Variants in BCL7A observed in about 807,000 individuals in gnomAD.
BCL7A encodes B-cell CLL/lymphoma 7 protein family member A.
BCL7A carries 11 observed loss-of-function variants against 28.4 expected under a neutral mutation model. That is an observed-to-expected ratio of 0.39 (90% CI 0.24 to 0.64). The LOEUF (loss-of-function observed/expected upper bound fraction) is 0.64, where lower values mean the gene tolerates loss of function less well. Ranked by LOEUF, BCL7A falls within the 30% of genes least tolerant of loss-of-function variation. BCL7A has a pLI of 0.50. For missense variants in BCL7A, 222 were observed against 274.8 expected (o/e 0.81, Z 1.36); for synonymous variants, 123 against 103.3 (o/e 1.19, Z -1.15).
At chr12:122,028,820 G>T (rs921731079) in intron 1 of BCL7A, among the ~76,000 whole-genome samples, 2 of 152,172 alleles carry the variant, frequency 1.3e-5, no homozygotes, top group Non-Finnish European at 1.5e-5. Context: ...GCATGTAATA[G>T]CCTGGGCACA....
chr12:122,054,395 A>G (rs746675294), intron 4 of BCL7A, among the ~76,000 whole-genome samples: 6 of 152,194 alleles, frequency 3.9e-5, no homozygotes, highest in Non-Finnish European at 7.3e-5. Flanking sequence ...CCAAATACCC[A>G]TATTATTAAG....
chr12:122,047,805 T>C (rs1438584956), intron 4 of BCL7A, among the ~76,000 whole-genome samples: 1 of 150,684 alleles, frequency 6.6e-6, no homozygotes, highest in Non-Finnish European at 1.5e-5. Flanking sequence ...AGATTACAGA[T>C]GTGAACCACC....
chr12:122,059,380 T>C lies in BCL7A; in HGVS notation c.*217T>C, dbSNP rs1421850408. 8 of 499,088 alleles carry C rather than the reference T, an allele frequency of 1.6e-5. No individual in the cohort carries two copies. The Admixed American group carries it at 2.7e-4, about 17-fold the overall frequency. 30.9% of individuals were successfully genotyped at this position (499,088 alleles called of 1,614,324 possible). A position where few individuals can be genotyped will look rare whatever the true frequency, so the allele number is the denominator to read the frequency against. ...AAACACTCAAACCTTTAAGGGACTG[T>C]CCTTGGGGAGGCAGGCGGGGCTGAC... On this transcript the variant is annotated 3_prime_UTR_variant, in exon 6 of 6. Coordinates refer to ENST00000261822, the MANE Select transcript of BCL7A (RefSeq NM_001024808.3). The surrounding 1 kb of genome is among the most constrained non-coding windows in gnomAD (Gnocchi z 4.0).
At chr12:122,037,010 G>C (rs1202542672) in intron 3 of BCL7A, among the ~76,000 whole-genome samples, 1 of 152,106 alleles carries the variant, frequency 6.6e-6, no homozygotes, top group African/African-American at 2.4e-5. Flanking sequence ...CGTCCCTAAA[G>C]CTTCATAAAA....
chr12:122,034,006 C>G lies in BCL7A; in HGVS notation c.175-1325C>G, dbSNP rs537521586. 3.5e-4 allele frequency among the ~76,000 whole-genome samples: 53 copies of G among 151,668 alleles called. 1 individual carries two copies. In the South Asian group the frequency reaches 0.011, roughly 31 times the overall value. On this transcript the variant is annotated intron_variant, in intron 2 of 5. Coordinates refer to ENST00000261822, the MANE Select transcript of BCL7A (RefSeq NM_001024808.3). ...CTGCCTCTCATCCCTGCATGCACCC[C>G]CCATCCCCACCCCAGTTCTCGCCCC...
rs1951917949 is a variant in BCL7A at position 122,061,171 on chromosome 12, A to G, written c.*2008A>G. ...TGGTGAGAGATGAATTTGGATATTTATTTCCTTCTCTGTTTTTGGGAAACG... is the reference window on the plus strand; with the variant it reads ...TGGTGAGAGATGAATTTGGATATTTGTTTCCTTCTCTGTTTTTGGGAAACG... On this transcript the variant is annotated 3_prime_UTR_variant, in exon 6 of 6. Coordinates refer to ENST00000261822, the MANE Select transcript of BCL7A (RefSeq NM_001024808.3). The G allele has an allele frequency of 4.4e-6, 1 of 226,510 alleles. No individual in the cohort carries two copies. Among genetic ancestry groups the G allele is most frequent in the South Asian group, 1.8e-4 (1 of 5,460 alleles). 14.0% of individuals were successfully genotyped at this position (226,510 alleles called of 1,614,324 possible).
At chr12:122,040,052 C>T (rs1883936203) in intron 3 of BCL7A, among the ~76,000 whole-genome samples, 1 of 152,112 alleles carries the variant, frequency 6.6e-6, no homozygotes, top group Admixed American at 6.6e-5. Flanking sequence ...ATTTATGAAA[C>T]CGTCACAATG....
Position 122,029,286 on chromosome 12 carries a change from C to G in BCL7A, c.93-1414C>G, listed in dbSNP as rs997769350. On this transcript the variant is annotated intron_variant, in intron 1 of 5. Coordinates refer to ENST00000261822, the MANE Select transcript of BCL7A (RefSeq NM_001024808.3). The surrounding 1 kb of genome is among the most constrained non-coding windows in gnomAD (Gnocchi z 4.3). The stretch of plus-strand genomic sequence containing the variant: ...TCTGATGGAACACGTGGGACCCGAG[C>G]GGGCAGGGTTTTTGGGGGTGAGGTG... 6.6e-6 allele frequency among the ~76,000 whole-genome samples: 1 copy of G among 152,028 alleles called. No individual in the cohort carries two copies. The highest frequency in any genetic ancestry group is 2.4e-5 in the African/African-American group (1 of 41,374).
At chr12:122,044,831 A>G (rs1593031617) in intron 4 of BCL7A, among the ~76,000 whole-genome samples, 1 of 152,132 alleles carries the variant, frequency 6.6e-6, no homozygotes, top group East Asian at 1.9e-4. Context: ...GGCTCAAAAT[A>G]TAATTATATT....
At chr12:122,024,179 T>C (rs1883555441) in intron 1 of BCL7A, among the ~76,000 whole-genome samples, 2 of 152,274 alleles carry the variant, frequency 1.3e-5, no homozygotes, top group Admixed American at 6.5e-5. Flanking sequence ...CTCCCTGGGT[T>C]TGGGGAAACA....
At chr12:122,022,838 C>T (rs1883498588) in intron 1 of BCL7A, among the ~76,000 whole-genome samples, 2 of 151,924 alleles carry the variant, frequency 1.3e-5, no homozygotes, top group East Asian at 2.0e-4. Flanking sequence ...TGGGGGCGAG[C>T]GCTGGGAGCC....
At chr12:122,046,311 T>C (rs545544646) in intron 4 of BCL7A, among the ~76,000 whole-genome samples, 1 of 152,074 alleles carries the variant, frequency 6.6e-6, no homozygotes, top group African/African-American at 2.4e-5. Context: ...TGCACACCCA[T>C]GAGGAGCTGG....
chr12:122,041,163 G>A (rs1883959033), intron 3 of BCL7A, among the ~76,000 whole-genome samples: 1 of 152,194 alleles, frequency 6.6e-6, no homozygotes, highest in Admixed American at 6.5e-5. Flanking sequence ...TGAGGTAGAG[G>A]AGGGGCGTGG....
At chr12:122,040,095 T>A (rs371258678) in intron 3 of BCL7A, among the ~76,000 whole-genome samples, 3 of 152,326 alleles carry the variant, frequency 2.0e-5, no homozygotes, top group South Asian at 4.1e-4. Context: ...GTTACATCAT[T>A]GCCTCATTTG....
intron 4 of BCL7A, among the ~76,000 whole-genome samples, chr12:122,045,735 T>C (rs1395991139): frequency 2.6e-5 from 4 of 152,038 alleles, no homozygotes; most frequent in African/African-American, 9.7e-5. Flanking sequence ...CATTTGAAAG[T>C]AAGTTATAGA....
At chr12:122,051,451 G>A (rs1191847826) in intron 4 of BCL7A, among the ~76,000 whole-genome samples, 1 of 152,168 alleles carries the variant, frequency 6.6e-6, no homozygotes, top group African/African-American at 2.4e-5. Flanking sequence ...AAGCTCCCTG[G>A]ACTAAATTTA....
At chr12:122,052,137 A>T (rs12314700) in intron 4 of BCL7A, among the ~76,000 whole-genome samples, 25,669 of 151,684 alleles carry the variant, frequency 0.17, 2,592 homozygotes, top group East Asian at 0.3. Context: ...GGTCTCCCAA[A>T]ATGCTGGGAT....
chr12:122,033,974 T>C (rs1219717655), intron 2 of BCL7A, among the ~76,000 whole-genome samples: 2 of 151,954 alleles, frequency 1.3e-5, no homozygotes, highest in African/African-American at 4.8e-5. Flanking sequence ...GCATATCTTT[T>C]ATAAATCTGC....
chr12:122,023,426 T>G (rs1883523206), intron 1 of BCL7A, among the ~76,000 whole-genome samples: 1 of 151,962 alleles, frequency 6.6e-6, no homozygotes, highest in Admixed American at 6.5e-5. Flanking sequence ...CGCCTCGGTC[T>G]CTAAAAGCCA....
Sources: allele counts gnomAD v4.1 joint callset (sites outside exome capture counted in the v4.1 genomes callset), GRCh38; gene constraint gnomAD v4.1.1; non-coding constraint Gnocchi (gnomAD v3.1); transcripts MANE v1.5; gene names NCBI Gene and HGNC (gene_info 2026-07-23, HGNC 2026-07-21).